The following EPB41L4A variants were observed in gnomAD, a reference collection of about 807,000 sequenced individuals.
EPB41L4A encodes erythrocyte membrane protein band 4.1 like 4A.
A neutral mutation model predicts 108.6 loss-of-function variants in EPB41L4A; 100 were observed. The observed-to-expected ratio is 0.92, with a 90% CI of 0.78 to 1.09. The LOEUF is 1.09. EPB41L4A is among the 50% of genes least tolerant of loss of function. The pLI, the probability that EPB41L4A is intolerant of heterozygous loss-of-function variation, is 0.00. For synonymous variants in EPB41L4A, 319 were observed against 289.0 expected, an observed-to-expected ratio of 1.10 and a Z score of -1.05; for missense variants, 1,030 against 842.7, an observed-to-expected ratio of 1.22 and a Z score of -2.75.
intron 1 of EPB41L4A, among the ~76,000 whole-genome samples, chr5:112,361,980 C>T (rs1413588505): frequency 2.0e-5 from 3 of 152,146 alleles, no homozygotes; most frequent in Non-Finnish European, 2.9e-5. Context: ...TCTTGATAAA[C>T]CAAGCCATTG....
At chr5:112,372,207 C>G (rs959956119) in intron 1 of EPB41L4A, among the ~76,000 whole-genome samples, 1 of 152,162 alleles carries the variant, frequency 6.6e-6, no homozygotes, top group African/African-American at 2.4e-5. Flanking sequence ...AGGAAACTTA[C>G]AATCATGGCA....
intron 12 of EPB41L4A, among the ~76,000 whole-genome samples, chr5:112,157,083 A>T (rs192709101): frequency 9.9e-5 from 15 of 152,180 alleles, no homozygotes; most frequent in Middle Eastern, 3.4e-3. Flanking sequence ...CGTAATATTG[A>T]CACAGGAGAG....
chr5:112,381,018 A>C (rs1303426294), intron 1 of EPB41L4A, among the ~76,000 whole-genome samples: 1 of 152,174 alleles, frequency 6.6e-6, no homozygotes, highest in Non-Finnish European at 1.5e-5. Context: ...AAAAATTTTT[A>C]ATTTCAGAAA....
chr5:112,396,065 C>T (rs1032589098), intron 1 of EPB41L4A, among the ~76,000 whole-genome samples: 4 of 151,972 alleles, frequency 2.6e-5, no homozygotes, highest in African/African-American at 7.3e-5. Context: ...CACTTGGACA[C>T]AGGGCAGGGA....
At chr5:112,151,721 T>C (rs1759475681) in intron 12 of EPB41L4A, among the ~76,000 whole-genome samples, 1 of 148,080 alleles carries the variant, frequency 6.8e-6, no homozygotes, top group African/African-American at 2.6e-5. Flanking sequence ...TATTATTTTA[T>C]ATATTTAGTC....
Position 112,175,465 on chromosome 5 carries a change from G to A in EPB41L4A, c.1623-4473C>T, listed in dbSNP as rs1760813697. ...TATACTACTCTACTCTTATGTCTCTGGTATTTAATAATGAATTGATTTTCT... is the reference window on the plus strand; with the variant it reads ...TATACTACTCTACTCTTATGTCTCTAGTATTTAATAATGAATTGATTTTCT... On this transcript the variant is annotated intron_variant, in intron 18 of 22. Transcript: ENST00000261486. 3 of 152,032 alleles carry A rather than the reference G, an allele frequency of 2.0e-5. No homozygotes were observed. In the South Asian group the frequency reaches 6.2e-4, roughly 31 times the overall value. The allele number at this position is 152,032 out of a possible 1,614,324, so 9.4% of individuals were successfully genotyped here.
intron 13 of EPB41L4A, among the ~76,000 whole-genome samples, chr5:112,144,169 T>C (rs188856670): frequency 2.0e-5 from 3 of 152,334 alleles, no homozygotes; most frequent in Admixed American, 1.3e-4. Context: ...ATCAACCCAA[T>C]AGATATGTAC....
intron 9 of EPB41L4A, among the ~76,000 whole-genome samples, chr5:112,253,423 T>TA (rs956807581): frequency 8.6e-4 from 131 of 152,228 alleles, no homozygotes; most frequent in African/African-American, 2.9e-3. Flanking sequence ...TTATAAAAGA[T>TA]AAAAAAATGC....
intron 12 of EPB41L4A, among the ~76,000 whole-genome samples, chr5:112,149,346 C>T (rs777651711): frequency 1.5e-4 from 23 of 152,106 alleles, no homozygotes; most frequent in Non-Finnish European, 2.6e-4. Flanking sequence ...GTGGCACGTG[C>T]CTGTATTCCC....
intron 2 of EPB41L4A, among the ~76,000 whole-genome samples, chr5:112,294,214 TGTAA>T (rs1211442346): frequency 6.6e-6 from 1 of 152,178 alleles, no homozygotes; most frequent in Non-Finnish European, 1.5e-5. Context: ...TTTTTTTAAA[TGTAA>T]GTTAAATCTG....
intron 4 of EPB41L4A, among the ~76,000 whole-genome samples, chr5:112,266,551 C>T (rs546682165): frequency 2.2e-4 from 34 of 152,320 alleles, no homozygotes; most frequent in African/African-American, 8.2e-4. Context: ...TCAAGTTCAA[C>T]TGCTTGGCTT....
chr5:112,331,470 A>G (rs570229317), intron 1 of EPB41L4A, among the ~76,000 whole-genome samples: 162 of 152,320 alleles, frequency 1.1e-3, no homozygotes, highest in African/African-American at 3.6e-3. Context: ...GGATCCCCCA[A>G]CTGAGTGTTC....
At chr5:112,287,191 G>A (rs1018444900) in intron 2 of EPB41L4A, among the ~76,000 whole-genome samples, 1 of 152,132 alleles carries the variant, frequency 6.6e-6, no homozygotes, top group Non-Finnish European at 1.5e-5. Context: ...TAATCCAACT[G>A]CCTACTTGGC....
chr5:112,412,050 C>T (rs1762442008), intron 1 of EPB41L4A, among the ~76,000 whole-genome samples: 1 of 152,164 alleles, frequency 6.6e-6, no homozygotes, highest in African/African-American at 2.4e-5. Context: ...TTACTAAATG[C>T]GCTTTCCCGA....
chr5:112,391,279 G>C (rs979808180), intron 1 of EPB41L4A, among the ~76,000 whole-genome samples: 8 of 152,126 alleles, frequency 5.3e-5, no homozygotes, highest in Admixed American at 2.6e-4. Flanking sequence ...ACTTCTCCAA[G>C]CTAAAGGAGA....
At chr5:112,312,963 G>C (rs1002292737) in intron 1 of EPB41L4A, among the ~76,000 whole-genome samples, 14 of 152,178 alleles carry the variant, frequency 9.2e-5, no homozygotes, top group African/African-American at 3.1e-4. Flanking sequence ...TGTCCAGGAA[G>C]GGGCCAGTCC....
Position 112,382,987 on chromosome 5 carries a change from A to G in EPB41L4A, c.99+35954T>C, listed in dbSNP as rs534733607. Among the ~76,000 whole-genome samples, 3 of 152,350 alleles carry G rather than the reference A, an allele frequency of 2.0e-5. No homozygotes were observed. The East Asian group carries it at 5.8e-4, about 29-fold the overall frequency. Reference sequence around the variant, plus strand: ...AGCAAACAAGTTGTAAGAAGCCAGCAATGACCCTTTGAGAAGCTAGAAAGG... The same window carrying G: ...AGCAAACAAGTTGTAAGAAGCCAGCGATGACCCTTTGAGAAGCTAGAAAGG... On this transcript the variant is annotated intron_variant, in intron 1 of 22. Coordinates refer to ENST00000261486, the MANE Select transcript of EPB41L4A (RefSeq NM_022140.5).
rs775408713 is a variant in EPB41L4A at position 112,195,666 on chromosome 5, CCTT to C, written c.1416_1418del (p.Arg475del). 1 of 1,613,564 alleles carries C rather than the reference CCTT, an allele frequency of 6.2e-7. No individual in the cohort carries two copies. The highest frequency in any genetic ancestry group is 1.1e-5 in the South Asian group (1 of 91,052). On this transcript the variant is annotated inframe_deletion, in exon 16 of 23. Transcript: ENST00000261486. ...TTCCATTTTTGTTTTTTTACCTCCT[CCTT>C]TGCTTAAGATCTGAATCTTCACCAC...
At chr5:112,388,181 T>C (rs1455628906) in intron 1 of EPB41L4A, among the ~76,000 whole-genome samples, 4 of 152,148 alleles carry the variant, frequency 2.6e-5, no homozygotes, top group African/African-American at 9.7e-5. Context: ...GCCAGCAATT[T>C]TTCACAAAAA....
Sources: allele counts gnomAD v4.1 joint callset (sites outside exome capture counted in the v4.1 genomes callset), GRCh38; gene constraint gnomAD v4.1.1; transcripts MANE v1.5; gene names NCBI Gene and HGNC (gene_info 2026-07-23, HGNC 2026-07-21).